CTIF: variants seen among roughly 807,000 people sequenced by gnomAD.
The protein encoded by CTIF is CBP80/20-dependent translation initiation factor.
A neutral mutation model predicts 66.0 loss-of-function variants in CTIF; 21 were observed. The ratio of observed to expected loss-of-function variants is 0.32; its 90% confidence interval spans 0.23 to 0.46. The LOEUF (loss-of-function observed/expected upper bound fraction) is 0.46, where lower values mean the gene tolerates loss of function less well. Ranked by LOEUF, CTIF falls within the 20% of genes least tolerant of loss-of-function variation. CTIF has a pLI of 1.00. For missense variants in CTIF, 739 were observed against 812.7 expected, an observed-to-expected ratio of 0.91 and a Z score of 1.10; for synonymous variants, 345 against 326.4, an observed-to-expected ratio of 1.06 and a Z score of -0.62.
intron 9 of CTIF, among the ~76,000 whole-genome samples, chr18:48,815,544 C>T (rs1455283996): frequency 6.6e-6 from 1 of 152,236 alleles, no homozygotes; most frequent in African/African-American, 2.4e-5. Flanking sequence ...GATACACACA[C>T]AAGTATATAC....
intron 1 of CTIF, among the ~76,000 whole-genome samples, chr18:48,568,929 A>C (rs137873236): frequency 3.9e-5 from 6 of 152,170 alleles, no homozygotes; most frequent in African/African-American, 1.4e-4. Context: ...GGGAGCTTCA[A>C]TTGAAGATGA....
intron 5 of CTIF, among the ~76,000 whole-genome samples, chr18:48,667,147 A>G (rs2091451436): frequency 6.6e-6 from 1 of 151,744 alleles, no homozygotes; most frequent in African/African-American, 2.4e-5. Flanking sequence ...GCCCAGAAGG[A>G]CTGTTTATTC....
Position 48,761,616 on chromosome 18 carries a change from A to G in CTIF, c.1298A>G (p.Lys433Arg), listed in dbSNP as rs778977063. The G allele has an allele frequency of 6.2e-7, 1 of 1,614,068 alleles. No homozygotes were observed. The highest frequency in any genetic ancestry group is 2.2e-5 in the East Asian group (1 of 44,906). Reference protein sequence around the residue: ...SDRSFAFTAAKLCDKMALFMV... With the variant: ...SDRSFAFTAARLCDKMALFMV... The stretch of plus-strand genomic sequence containing the variant: ...CGCAGCTTCGCCTTCACCGCTGCCA[A>G]GCTCTGCGACAAGATGGCGCTCTTT... Residue 433 changes from lysine (K) to arginine (R), a missense_variant, in exon 9 of 12, where the codon AAG (lysine) becomes AGG (arginine). Lys to Arg is a conservative substitution (Grantham distance 26). Around this residue, in one of 2 missense-constraint regions of CTIF, gnomAD observed 210 missense variants for 292.3 expected, o/e 0.72. Transcript: ENST00000256413. The surrounding 1 kb of genome is among the most constrained non-coding windows in gnomAD (Gnocchi z 4.2).
chr18:48,768,098 C>T (rs1011955206), intron 9 of CTIF, among the ~76,000 whole-genome samples: 2 of 152,122 alleles, frequency 1.3e-5, no homozygotes, highest in Admixed American at 6.5e-5. Context: ...TGGGCCATTC[C>T]TCTAACTCTC....
chr18:48,816,750 G>T (rs907178627), intron 9 of CTIF, among the ~76,000 whole-genome samples: 6 of 152,236 alleles, frequency 3.9e-5, no homozygotes, highest in Non-Finnish European at 7.3e-5. Flanking sequence ...AGCCCACATG[G>T]TCCTCTGTTG....
At chr18:48,753,668 A>T (rs192219416) in intron 7 of CTIF, among the ~76,000 whole-genome samples, 1 of 152,154 alleles carries the variant, frequency 6.6e-6, no homozygotes, top group Admixed American at 6.5e-5. Context: ...TATTAATCTT[A>T]TCTCCTGTGC....
rs557040295 is a variant in CTIF, at chr18:48,607,938, A to G, written c.-28-11600A>G. On this transcript the variant is annotated intron_variant, in intron 1 of 11. Transcript: ENST00000256413. ...TTGCATATTTCTGTTTTGGACCTGG[A>G]CTATCATGTATTATTTCACAGTGTA... Among the ~76,000 whole-genome samples, 155 of 152,102 alleles carry G rather than the reference A, an allele frequency of 1.0e-3. 1 individual carries two copies. Among genetic ancestry groups the G allele is most frequent in the African/African-American group, 3.5e-3 (147 of 41,476 alleles).
At chr18:48,555,436 C>A (rs1006985838) in intron 1 of CTIF, among the ~76,000 whole-genome samples, 3 of 152,182 alleles carry the variant, frequency 2.0e-5, no homozygotes, top group Admixed American at 2.0e-4. Context: ...TTATTGAGGC[C>A]TGACCCACTT....
intron 10 of CTIF, among the ~76,000 whole-genome samples, chr18:48,832,173 C>CT (rs61221781): frequency 1.2e-3 from 157 of 128,266 alleles, no homozygotes; most frequent in South Asian, 3.9e-3. Flanking sequence ...CGTGGTCCTT[C>CT]TTTTTTTTTT....
At chr18:48,718,776 A>AT (rs745491051) in intron 7 of CTIF, among the ~76,000 whole-genome samples, 4 of 152,134 alleles carry the variant, frequency 2.6e-5, no homozygotes, top group Non-Finnish European at 4.4e-5. Flanking sequence ...ATTAACCCTT[A>AT]TATCTGTTCT....
chr18:48,708,788 C>T (rs181501856), intron 6 of CTIF, among the ~76,000 whole-genome samples: 42 of 152,356 alleles, frequency 2.8e-4, no homozygotes, highest in African/African-American at 9.6e-4. Context: ...CACCCTGGAC[C>T]ACCAGGCACT....
At chr18:48,564,327 A>G (rs2089232083) in intron 1 of CTIF, among the ~76,000 whole-genome samples, 1 of 152,046 alleles carries the variant, frequency 6.6e-6, no homozygotes, top group Admixed American at 6.6e-5. Context: ...CCATGTGTGG[A>G]TGGAGGCCTT....
At chr18:48,583,476 T>C (rs2089704058) in intron 1 of CTIF, among the ~76,000 whole-genome samples, 1 of 151,692 alleles carries the variant, frequency 6.6e-6, no homozygotes, top group African/African-American at 2.4e-5. Flanking sequence ...GGGAAAGGAG[T>C]CGGACTATTT....
At chr18:48,718,518 A>G (rs754733272) in intron 7 of CTIF, among the ~76,000 whole-genome samples, 14 of 152,168 alleles carry the variant, frequency 9.2e-5, no homozygotes, top group Non-Finnish European at 1.9e-4. Context: ...TAAGCATACC[A>G]TGTGTTACAG....
At chr18:48,662,698 A>G (rs1651467326) in intron 3 of CTIF, 1 of 151,792 alleles carries the variant, frequency 6.6e-6, no homozygotes, top group Admixed American at 6.6e-5. Flanking sequence ...TTCCTCTTCC[A>G]GTTACTATCT....
At chr18:48,740,199 C>T (rs926700087) in intron 7 of CTIF, among the ~76,000 whole-genome samples, 2 of 152,234 alleles carry the variant, frequency 1.3e-5, no homozygotes, top group Non-Finnish European at 2.9e-5. Context: ...CCTTCTTTCT[C>T]TCTCTGCTCA....
At chr18:48,770,232 G>C (rs1909971237) in intron 9 of CTIF, among the ~76,000 whole-genome samples, 1 of 152,260 alleles carries the variant, frequency 6.6e-6, no homozygotes, top group African/African-American at 2.4e-5. Context: ...TGCTGCTGCT[G>C]TGCCAACTAC....
In CTIF at chr18:48,697,657, C is replaced by A. The variant is rs186431054; in HGVS notation, c.508-13962C>A. Among the ~76,000 whole-genome samples the A allele has an allele frequency of 1.4e-3, 209 of 152,230 alleles. 3 individuals are homozygous for A. Among genetic ancestry groups the A allele is most frequent in the African/African-American group, 4.1e-3 (170 of 41,534 alleles). Reference sequence around the variant, plus strand: ...CAGGGCAGGAACCCGGGTATCCTGGCCCCCAGCCCAGTGCTCCTTCTGCTG... The same window carrying A: ...CAGGGCAGGAACCCGGGTATCCTGGACCCCAGCCCAGTGCTCCTTCTGCTG... On this transcript the variant is annotated intron_variant, in intron 6 of 11. Transcript: ENST00000256413.
intron 6 of CTIF, among the ~76,000 whole-genome samples, chr18:48,695,609 G>C (rs1246646298): frequency 3.3e-5 from 5 of 152,156 alleles, no homozygotes; most frequent in Non-Finnish European, 5.9e-5. Flanking sequence ...TTCCTCATTT[G>C]TAGAGAATAG....
Sources: gnomAD v4.1 joint callset for allele counts (sites outside exome capture counted in the v4.1 genomes callset) on GRCh38, gnomAD v4.1.1 for gene constraint, gnomAD v4.1.1 regional missense constraint, Gnocchi (gnomAD v3.1) non-coding constraint, MANE v1.5 for transcripts, NCBI Gene and HGNC (gene_info 2026-07-23, HGNC 2026-07-21) for gene names.